SPECC1: variants seen among roughly 807,000 people sequenced by gnomAD.
SPECC1 encodes cytospin-B.
In SPECC1, 62 loss-of-function variants were observed where a neutral mutation model predicts 104.1. The observed-to-expected ratio is 0.60, with a 90% CI of 0.49 to 0.74. The LOEUF is 0.74. SPECC1 is among the 30% of genes least tolerant of loss of function. The pLI is 0.00. For synonymous variants in SPECC1, 513 were observed against 501.6 expected (o/e 1.02, Z -0.30); for missense variants, 1,306 against 1,310.5 (o/e 1.00, Z 0.05).
At chr17:20,301,898 G>A (rs1162014787) in intron 13 of SPECC1, among the ~76,000 whole-genome samples, 1 of 152,168 alleles carries the variant, frequency 6.6e-6, no homozygotes, top group African/African-American at 2.4e-5. Context: ...TAGAGATGGG[G>A]TTTCATCATG....
chr17:20,226,834 A>G (rs2038238840), intron 4 of SPECC1, among the ~76,000 whole-genome samples: 1 of 152,178 alleles, frequency 6.6e-6, no homozygotes, highest in Non-Finnish European at 1.5e-5. Context: ...AGTTTCCTCT[A>G]AAGAAGCATT....
At chr17:20,071,596 A>G (rs1460041577) in intron 1 of SPECC1, among the ~76,000 whole-genome samples, 1 of 152,210 alleles carries the variant, frequency 6.6e-6, no homozygotes, top group Non-Finnish European at 1.5e-5. Context: ...TTGGGAGAGC[A>G]TGGTATGCTT....
At chr17:20,128,919 G>T (rs1008997018) in intron 3 of SPECC1, among the ~76,000 whole-genome samples, 1 of 151,804 alleles carries the variant, frequency 6.6e-6, no homozygotes, top group African/African-American at 2.4e-5. Flanking sequence ...TAGAGACAGC[G>T]TCACACTCTG....
chr17:20,199,586 G>A (rs1002287201), intron 3 of SPECC1, among the ~76,000 whole-genome samples: 4 of 150,674 alleles, frequency 2.7e-5, no homozygotes, highest in Non-Finnish European at 5.9e-5. Context: ...ATATTTTTGT[G>A]TAGAGATAGG....
intron 3 of SPECC1, among the ~76,000 whole-genome samples, chr17:20,181,269 AAAAGT>A (rs2034866508): frequency 1.3e-5 from 2 of 152,230 alleles, no homozygotes; most frequent in Admixed American, 1.3e-4. Context: ...GAAACTAGAA[AAAAGT>A]ACAAAATAAA....
chr17:20,022,034 T>C (rs532365992), intron 1 of SPECC1, among the ~76,000 whole-genome samples: 1 of 152,106 alleles, frequency 6.6e-6, no homozygotes, highest in Non-Finnish European at 1.5e-5. Flanking sequence ...CTCCGCCTCC[T>C]GGGTTCATGC....
intron 7 of SPECC1, among the ~76,000 whole-genome samples, chr17:20,245,192 G>T (rs2039369165): frequency 6.6e-6 from 1 of 152,188 alleles, no homozygotes; most frequent in Non-Finnish European, 1.5e-5. Context: ...GAATTGTTGG[G>T]AAGGCTGAGC....
intron 4 of SPECC1, among the ~76,000 whole-genome samples, chr17:20,218,575 TTC>T (rs1177990663): frequency 1.3e-5 from 2 of 151,918 alleles, no homozygotes; most frequent in Non-Finnish European, 2.9e-5. Flanking sequence ...CCCAGGCTGT[TTC>T]TCTCTCTCTT....
In SPECC1 at chr17:20,055,357, C is replaced by A. The variant is rs533707206; in HGVS notation, c.-21-41274C>A. Among the ~76,000 whole-genome samples, 59 of 152,054 alleles carry A rather than the reference C, an allele frequency of 3.9e-4. 1 individual carries two copies. Among genetic ancestry groups the A allele is most frequent in the Non-Finnish European group, 7.2e-4 (49 of 67,996 alleles). ...TCCACTGATGGGCATTTAGTTGTTT[C>A]CACATCTTGGTTTTACTCTTTGAGG... On this transcript the variant is annotated intron_variant, in intron 1 of 14. Coordinates refer to ENST00000395527, the MANE Select transcript of SPECC1 (RefSeq NM_001243439.2).
At chr17:20,203,824 TGCCTAACTGAAAGGCCAGCTATAG>T (rs1237441697) in intron 3 of SPECC1, among the ~76,000 whole-genome samples, 2 of 152,242 alleles carry the variant, frequency 1.3e-5, no homozygotes, top group Non-Finnish European at 2.9e-5. Flanking sequence ...TTTACTGGCT[TGCCTAACTGAAAGGCCAGCTATAG>T]GCCAAACTTC....
chr17:20,037,323 T>C (rs1421713109), intron 1 of SPECC1, among the ~76,000 whole-genome samples: 2 of 152,148 alleles, frequency 1.3e-5, no homozygotes, highest in African/African-American at 4.8e-5. Flanking sequence ...GGCTAATTTT[T>C]GTATTTTAGT....
chr17:20,020,345 T>A (rs573764737), intron 1 of SPECC1, among the ~76,000 whole-genome samples: 2 of 152,274 alleles, frequency 1.3e-5, no homozygotes, highest in South Asian at 2.1e-4. Context: ...TTATTTTTTT[T>A]ATTTTTTTGA....
Position 20,138,016 on chromosome 17 carries a change from T to G in SPECC1, c.283+27454T>G, listed in dbSNP as rs549074284. Among the ~76,000 whole-genome samples the G allele has an allele frequency of 3.3e-5, 5 of 152,182 alleles. 1 individual carries two copies. In the South Asian group the frequency reaches 1.0e-3, roughly 32 times the overall value. On this transcript the variant is annotated intron_variant, in intron 3 of 14. Transcript: ENST00000395527. ...CAGGGTCTCACTCTGTTGCCCAGGC[T>G]GGAGTGCAGTGGTGCAATCATGGCT...
intron 7 of SPECC1, chr17:20,237,659 TTTGATCGTGGTGTC>T (rs1567973366): frequency 5.1e-6 from 1 of 195,414 alleles, no homozygotes; most frequent in Non-Finnish European, 1.1e-5. Context: ...TCTGCTTCCT[TTTGATCGTGGTGTC>T]TGATCATCTT....
intron 12 of SPECC1, among the ~76,000 whole-genome samples, chr17:20,269,423 G>A (rs1233017492): frequency 6.6e-6 from 1 of 152,242 alleles, no homozygotes; most frequent in Non-Finnish European, 1.5e-5. Context: ...GAGCTTCCCT[G>A]GTTGGCAGCA....
At chr17:20,247,819 A>G (rs1442038298) in intron 9 of SPECC1, among the ~76,000 whole-genome samples, 11 of 152,222 alleles carry the variant, frequency 7.2e-5, no homozygotes, top group African/African-American at 2.4e-4. Context: ...GGGTATATCA[A>G]GATTCATTTG....
At chr17:20,236,191 T>C (rs555602942) in intron 7 of SPECC1, among the ~76,000 whole-genome samples, 40 of 152,326 alleles carry the variant, frequency 2.6e-4, no homozygotes, top group African/African-American at 8.7e-4. Context: ...AAGCAGTTTC[T>C]GAACAGACCT....
chr17:20,180,585 G>A (rs1021780632), intron 3 of SPECC1, among the ~76,000 whole-genome samples: 2 of 152,174 alleles, frequency 1.3e-5, no homozygotes, highest in African/African-American at 2.4e-5. Context: ...CACAGGGGCC[G>A]GTGGGTGGCA....
intron 1 of SPECC1, among the ~76,000 whole-genome samples, chr17:20,050,834 A>G (rs912017184): frequency 6.6e-6 from 1 of 152,230 alleles, no homozygotes; most frequent in African/African-American, 2.4e-5. Flanking sequence ...TGGTTAAATA[A>G]ACTGGCTGTG....
Sources: allele counts gnomAD v4.1 joint callset (sites outside exome capture counted in the v4.1 genomes callset), GRCh38; gene constraint gnomAD v4.1.1; transcripts MANE v1.5; gene names NCBI Gene and HGNC (gene_info 2026-07-23, HGNC 2026-07-21).